MYO5A: variants seen among roughly 807,000 people sequenced by gnomAD.
MYO5A encodes myosin VA.
Under a neutral mutation model 249.7 loss-of-function variants are expected in MYO5A, and 98 were observed. That is an observed-to-expected ratio of 0.39 (90% confidence interval 0.33 to 0.46). The LOEUF (loss-of-function observed/expected upper bound fraction) is 0.46. Ranked by LOEUF, MYO5A falls within the 20% of genes least tolerant of loss-of-function variation. The pLI, the probability that MYO5A is intolerant of heterozygous loss-of-function variation, is 0.98. For synonymous variants in MYO5A, 778 were observed against 810.6 expected, an observed-to-expected ratio of 0.96 and a Z score of 0.68; for missense variants, 1,696 against 2,308.8, an observed-to-expected ratio of 0.73 and a Z score of 5.44.
At chr15:52,445,778 C>A (rs10851516) in intron 1 of MYO5A, among the ~76,000 whole-genome samples, 22,438 of 152,140 alleles carry the variant, frequency 0.15, 1,784 homozygotes, top group Middle Eastern at 0.22. Context: ...ACAATGTGGC[C>A]CCCGCCCTAG....
At chr15:52,366,086 C>T (rs941910982) in intron 23 of MYO5A, among the ~76,000 whole-genome samples, 5 of 152,196 alleles carry the variant, frequency 3.3e-5, no homozygotes, top group Non-Finnish European at 7.4e-5. Context: ...CTCTTACCAC[C>T]ACAGTTTTAA....
At chr15:52,402,454 T>C (rs890615958) in intron 9 of MYO5A, among the ~76,000 whole-genome samples, 4 of 152,148 alleles carry the variant, frequency 2.6e-5, no homozygotes, top group African/African-American at 9.7e-5. Flanking sequence ...GTAGCTCACT[T>C]GGCTATGAAA....
chr15:52,363,367 T>C (rs779108957), intron 24 of MYO5A, among the ~76,000 whole-genome samples: 2 of 152,228 alleles, frequency 1.3e-5, no homozygotes, highest in Non-Finnish European at 2.9e-5. Flanking sequence ...ACAGTTATAA[T>C]GGTGACTTGC....
At chr15:52,482,177 C>T (rs1165461050) in intron 1 of MYO5A, among the ~76,000 whole-genome samples, 1 of 152,178 alleles carries the variant, frequency 6.6e-6, no homozygotes, top group Non-Finnish European at 1.5e-5. Context: ...GGTCTGTGAG[C>T]TTGAGAACTT....
At position 52,423,868 on chromosome 15, in the gene MYO5A, CATAA is replaced by C. The variant is rs202074613; in HGVS notation, c.455+1958_455+1961del. ...CAAGGTAAATCTAAAGGTAAAAAGC[CATAA>C]ATATTCATATAAACCTAATACTATC... On this transcript the variant is annotated intron_variant, in intron 4 of 41. Transcript: ENST00000399233. Among the ~76,000 whole-genome samples, 337 of 152,144 alleles carry C rather than the reference CATAA, an allele frequency of 2.2e-3. 1 individual carries two copies. The highest frequency in any genetic ancestry group is 7.8e-3 in the African/African-American group (322 of 41,520).
At chr15:52,515,593 T>C (rs1415687195) in intron 1 of MYO5A, among the ~76,000 whole-genome samples, 1 of 152,238 alleles carries the variant, frequency 6.6e-6, no homozygotes, top group African/African-American at 2.4e-5. Flanking sequence ...TATGCCATCA[T>C]ACAGATGTAG....
At chr15:52,397,942 G>A (rs1380490521) in intron 9 of MYO5A, among the ~76,000 whole-genome samples, 1 of 152,180 alleles carries the variant, frequency 6.6e-6, no homozygotes, top group African/African-American at 2.4e-5. Flanking sequence ...CCATGTGAGA[G>A]GAATATGTTC....
intron 1 of MYO5A, among the ~76,000 whole-genome samples, chr15:52,486,388 C>T (rs2076821502): frequency 6.6e-6 from 1 of 152,184 alleles, no homozygotes; most frequent in Non-Finnish European, 1.5e-5. Context: ...AGTGGTGGAG[C>T]CAGGATTTGA....
rs183410802 is a variant in MYO5A, at chr15:52,389,298, T to C, written c.1608A>G (p.Ala536=). The C allele has an allele frequency of 6.2e-7, 1 of 1,612,692 alleles. No homozygotes were observed. Among genetic ancestry groups the C allele is most frequent in the Admixed American group, 1.7e-5 (1 of 60,004 alleles). Residue 536 remains alanine, a synonymous_variant, in exon 13 of 42, where the codon GCA becomes GCG. Coordinates refer to ENST00000399233, the MANE Select transcript of MYO5A (RefSeq NM_001382347.1). ...TTGATAGACGAGGCTTTTCAAAGAGTGCACATTTGTTCAAATGTGTGTTGT... is the reference window on the plus strand; with the variant it reads ...TTGATAGACGAGGCTTTTCAAAGAGCGCACATTTGTTCAAATGTGTGTTGT... The part of the protein sequence containing the change: ...KLYNTHLNKC[A]LFEKPRLSNK...
rs1555386205 is a variant in MYO5A, at chr15:52,501,894, C to CAG, written c.27+26885_27+26886insCT. On this transcript the variant is annotated intron_variant, in intron 1 of 41. Transcript: ENST00000399233. ...CATATACTACACACACACACACACA[C>CAG]ACACACACACACACACTGTATTTTA... 4.5e-4 allele frequency among the ~76,000 whole-genome samples: 68 copies of CAG among 151,894 alleles called. 1 individual carries two copies. In the East Asian group the frequency reaches 7.2e-3, roughly 16 times the overall value.
chr15:52,340,703 T>C (rs989518561), intron 31 of MYO5A, among the ~76,000 whole-genome samples: 1 of 152,044 alleles, frequency 6.6e-6, no homozygotes, highest in Admixed American at 6.6e-5. Flanking sequence ...TCTCAGCACT[T>C]TGGGAGGCTG....
At chr15:52,367,908 C>G (rs185806656) in intron 22 of MYO5A, among the ~76,000 whole-genome samples, 427 of 151,196 alleles carry the variant, frequency 2.8e-3, no homozygotes, top group Non-Finnish European at 4.3e-3. Flanking sequence ...CACACACACA[C>G]ACACACAAGT....
chr15:52,375,614 T>C (rs901117266), intron 19 of MYO5A, among the ~76,000 whole-genome samples, 154 bp from the exon 20 acceptor site: 1 of 152,264 alleles, frequency 6.6e-6, no homozygotes, highest in Non-Finnish European at 1.5e-5. Flanking sequence ...CATTTATATT[T>C]ACTTACATTT....
intron 34 of MYO5A, among the ~76,000 whole-genome samples, chr15:52,333,862 G>C (rs1262850222): frequency 6.6e-6 from 1 of 152,198 alleles, no homozygotes; most frequent in East Asian, 1.9e-4. Context: ...TGTATTTTCT[G>C]TGTAACAGGC....
intron 40 of MYO5A, among the ~76,000 whole-genome samples, chr15:52,315,637 G>A (rs1051643073): frequency 6.6e-6 from 1 of 151,328 alleles, no homozygotes; most frequent in African/African-American, 2.4e-5. Flanking sequence ...GCCTCCCAAA[G>A]TGCTGGGATT....
At chr15:52,447,514 T>C (rs541288955) in intron 1 of MYO5A, among the ~76,000 whole-genome samples, 43 of 152,300 alleles carry the variant, frequency 2.8e-4, no homozygotes, top group African/African-American at 1.0e-3. Context: ...GTGTGGGGCA[T>C]TGCTATAAAG....
At chr15:52,434,608 C>T (rs981760064) in intron 1 of MYO5A, among the ~76,000 whole-genome samples, 3 of 152,158 alleles carry the variant, frequency 2.0e-5, no homozygotes, top group South Asian at 4.1e-4. Context: ...ACTAGATACT[C>T]CCTGGACATA....
chr15:52,454,649 T>C (rs1281401746), intron 1 of MYO5A, among the ~76,000 whole-genome samples: 1 of 152,022 alleles, frequency 6.6e-6, no homozygotes, highest in Non-Finnish European at 1.5e-5. Context: ...AAACCAAGTA[T>C]CTTTTCTGAC....
chr15:52,463,420 A>G (rs111432124), intron 1 of MYO5A, among the ~76,000 whole-genome samples: 6,612 of 152,246 alleles, frequency 0.043, 476 homozygotes, highest in African/African-American at 0.15. Flanking sequence ...AAGACATATA[A>G]AACTAAAATG....
Sources: gnomAD v4.1 joint callset for allele counts (sites outside exome capture counted in the v4.1 genomes callset) on GRCh38, gnomAD v4.1.1 for gene constraint, MANE v1.5 for transcripts, NCBI Gene and HGNC (gene_info 2026-07-23, HGNC 2026-07-21) for gene names.